SGCB: variants seen among roughly 807,000 people sequenced by gnomAD.
SGCB encodes the protein beta-sarcoglycan.
In SGCB, 25 loss-of-function variants were observed where a neutral mutation model predicts 27.3. That is an observed-to-expected ratio of 0.92 (90% CI 0.67 to 1.28). The LOEUF (loss-of-function observed/expected upper bound fraction) is 1.28. SGCB is among the 50% of genes most tolerant of loss of function. The pLI is 0.00. For missense variants in SGCB, 436 were observed against 402.1 expected, an observed-to-expected ratio of 1.08 and a Z score of -0.72; for synonymous variants, 147 against 133.5, an observed-to-expected ratio of 1.10 and a Z score of -0.70.
At chr4:52,030,805 C>T (rs1473449834) in intron 2 of SGCB, among the ~76,000 whole-genome samples, 1 of 152,174 alleles carries the variant, frequency 6.6e-6, no homozygotes, top group Non-Finnish European at 1.5e-5. Context: ...TTTGGTAGAG[C>T]ACATCCTCCA....
At chr4:52,025,932 C>T (rs1737077924) in intron 5 of SGCB, among the ~76,000 whole-genome samples, 1 of 152,174 alleles carries the variant, frequency 6.6e-6, no homozygotes, top group Admixed American at 6.5e-5. Flanking sequence ...GATGGAGAAT[C>T]TAACTTTTCA....
chr4:52,034,100 G>C (rs920756769), intron 1 of SGCB, among the ~76,000 whole-genome samples: 2 of 151,812 alleles, frequency 1.3e-5, no homozygotes, highest in African/African-American at 4.8e-5. Context: ...GGGAGGCTGA[G>C]GCGGGTGGAT....
chr4:52,033,852 G>C (rs1038276651), intron 1 of SGCB, among the ~76,000 whole-genome samples: 1 of 152,144 alleles, frequency 6.6e-6, no homozygotes, highest in Non-Finnish European at 1.5e-5. Context: ...GTCACTATCT[G>C]ATATTTTTCC....
chr4:52,022,876 T>C lies in SGCB; in HGVS notation c.*1081A>G, dbSNP rs965459515. 6.6e-6 allele frequency: 1 copy of C among 152,246 alleles called. No individual in the cohort carries two copies. The highest frequency in any genetic ancestry group is 1.5e-5 in the Non-Finnish European group (1 of 68,026). 9.4% of individuals were successfully genotyped at this position (152,246 alleles called of 1,614,324 possible). A position where few individuals can be genotyped will look rare whatever the true frequency, so the allele number is the denominator to read the frequency against. ...ATAATATTTTGGAATTGGCCCAACATAGCTTACAATCGGACAGTGATTGGT... is the reference window on the plus strand; with the variant it reads ...ATAATATTTTGGAATTGGCCCAACACAGCTTACAATCGGACAGTGATTGGT... On this transcript the variant is annotated 3_prime_UTR_variant, in exon 6 of 6. Coordinates refer to ENST00000381431, the MANE Select transcript of SGCB (RefSeq NM_000232.5).
At chr4:52,027,895 T>C (rs912125245) in intron 5 of SGCB, 73 bp downstream of exon 5, 1 of 1,341,506 alleles carries the variant, frequency 7.5e-7, no homozygotes, top group Admixed American at 1.7e-5. Context: ...TCAATAATTG[T>C]ATACTATTCC....
rs376318431 is a variant in SGCB at position 52,028,635 on chromosome 4, CA to C, written c.621+94del. Reference sequence around the variant, plus strand: ...TGGGCGACAGAGCGAAACTCCGTCTCAAAAAAAAAACAACAACAGTATAACT... The same window carrying C: ...TGGGCGACAGAGCGAAACTCCGTCTCAAAAAAAAACAACAACAGTATAACT... On this transcript the variant is annotated intron_variant, in intron 4 of 5. Transcript: ENST00000381431. 1.5e-3 allele frequency: 1,342 copies of C among 869,058 alleles called. 3 individuals carry two copies. The highest frequency in any genetic ancestry group is 2.6e-3 in the Middle Eastern group (7 of 2,720). The allele number at this position is 869,058 out of a possible 1,614,324, so 53.8% of individuals were successfully genotyped here.
chr4:52,031,134 T>C (rs1451101477), intron 2 of SGCB, among the ~76,000 whole-genome samples: 1 of 152,170 alleles, frequency 6.6e-6, no homozygotes, highest in Admixed American at 6.5e-5. Flanking sequence ...TGTGTCTTTT[T>C]ATGCATTACG....
chr4:52,024,503 C>G (rs1737035095), intron 5 of SGCB, among the ~76,000 whole-genome samples: 1 of 152,056 alleles, frequency 6.6e-6, no homozygotes, highest in Non-Finnish European at 1.5e-5. Context: ...AACAAAGGTA[C>G]TGATTGGTAA....
rs1264362642 is a variant in SGCB at position 52,028,729 on chromosome 4, C to A, written c.621+1G>T. ...AGTAAAACAAAGCCAATAAATCATA[C>A]CCTTTCAGTAGATGCCTTTTGAACA... On this transcript the variant is annotated splice_donor_variant, in intron 4 of 5. Transcript: ENST00000381431. LOFTEE classifies it high-confidence loss of function. 3 of 1,601,734 alleles carry A rather than the reference C, an allele frequency of 1.9e-6. No individual in the cohort carries two copies. The highest frequency in any genetic ancestry group is 1.3e-5 in the African/African-American group (1 of 74,650).
chr4:52,022,628 G>C lies in SGCB; in HGVS notation c.*1329C>G, dbSNP rs1425750690. 1 of 152,188 alleles carries C rather than the reference G, an allele frequency of 6.6e-6. No individual in the cohort carries two copies. The highest frequency in any genetic ancestry group is 1.5e-5 in the Non-Finnish European group (1 of 68,032). The allele number at this position is 152,188 out of a possible 1,614,324, so 9.4% of individuals were successfully genotyped here. ...CTGCATTAGCACTCTTTAGTCCAGT[G>C]CTTCTGGACTTATTTTCGAGGCATG... On this transcript the variant is annotated 3_prime_UTR_variant, in exon 6 of 6. Coordinates refer to ENST00000381431, the MANE Select transcript of SGCB (RefSeq NM_000232.5).
intron 2 of SGCB, among the ~76,000 whole-genome samples, 196 bp from the exon 3 acceptor site, chr4:52,030,059 A>G (rs1311567747): frequency 1.3e-5 from 2 of 152,208 alleles, no homozygotes; most frequent in African/African-American, 4.8e-5. Context: ...CAAATAGCTA[A>G]AAGTCAAAAT....
intron 1 of SGCB, 134 bp downstream of exon 1, chr4:52,038,093 C>G: frequency 2.4e-6 from 1 of 419,204 alleles, no homozygotes; most frequent in Non-Finnish European, 3.3e-6. Flanking sequence ...CCGCCCCGCC[C>G]CGATCGGCCC....
At chr4:52,026,265 T>G (rs1385609277) in intron 5 of SGCB, among the ~76,000 whole-genome samples, 4 of 141,280 alleles carry the variant, frequency 2.8e-5, no homozygotes, top group African/African-American at 7.8e-5. Context: ...TTTTTTTTTT[T>G]TTTTTTTTTT....
At chr4:52,027,526 T>C (rs1737130030) in intron 5 of SGCB, among the ~76,000 whole-genome samples, 1 of 151,406 alleles carries the variant, frequency 6.6e-6, no homozygotes, top group Admixed American at 6.6e-5. Context: ...AAATCTTTAA[T>C]TAAAAACAAC....
rs1308034827 is a variant in SGCB at position 52,021,023 on chromosome 4, AAAG to A, written c.*2931_*2933del. ...TTATTTTGTTTTTTTCACAATGCAA[AAAG>A]AAGACAAATAAGTATATTTTAAAAT... On this transcript the variant is annotated 3_prime_UTR_variant, in exon 6 of 6. Transcript: ENST00000381431. 2.6e-5 allele frequency: 4 copies of A among 152,178 alleles called. No homozygotes were observed. The highest frequency in any genetic ancestry group is 7.2e-5 in the African/African-American group (3 of 41,434). The allele number at this position is 152,178 out of a possible 1,614,324, so 9.4% of individuals were successfully genotyped here.
At chr4:52,027,910 A>G (rs1737142641) in intron 5 of SGCB, 58 bp downstream of exon 5, 2 of 1,479,622 alleles carry the variant, frequency 1.4e-6, no homozygotes. Context: ...TATTCCACAT[A>G]TGGATTTATG....
intron 4 of SGCB, among the ~76,000 whole-genome samples, chr4:52,028,322 T>C (rs1015164721): frequency 2.6e-5 from 4 of 152,200 alleles, no homozygotes; most frequent in Non-Finnish European, 5.9e-5. Context: ...CTGGAATATA[T>C]TCTTTTATAC....
intron 5 of SGCB, among the ~76,000 whole-genome samples, chr4:52,027,589 GT>G (rs1239519932): frequency 1.3e-3 from 170 of 131,160 alleles, no homozygotes; most frequent in Non-Finnish European, 1.9e-3. Flanking sequence ...CTTTTAGAAG[GT>G]TTTTTTTTTT....
At position 52,023,078 on chromosome 4, in the gene SGCB, T is replaced by C. The variant is rs1449286302; in HGVS notation, c.*879A>G. On this transcript the variant is annotated 3_prime_UTR_variant, in exon 6 of 6. Transcript: ENST00000381431. ...AAACAACATGGCATTTGGAATCAAGTACATCCAGGTTTGAGTCATGCCTGA... is the reference window on the plus strand; with the variant it reads ...AAACAACATGGCATTTGGAATCAAGCACATCCAGGTTTGAGTCATGCCTGA... 2 of 152,218 alleles carry C rather than the reference T, an allele frequency of 1.3e-5. No individual in the cohort carries two copies. Among genetic ancestry groups the C allele is most frequent in the African/African-American group, 4.8e-5 (2 of 41,464 alleles). The allele number at this position is 152,218 out of a possible 1,614,324, so 9.4% of individuals were successfully genotyped here.
Sources: allele counts gnomAD v4.1 joint callset (sites outside exome capture counted in the v4.1 genomes callset), GRCh38; gene constraint gnomAD v4.1.1; transcripts MANE v1.5; gene names NCBI Gene and HGNC (gene_info 2026-07-23, HGNC 2026-07-21).